Variants in EHHADH observed in about 807,000 individuals in gnomAD.
EHHADH encodes enoyl-CoA hydratase and 3-hydroxyacyl CoA dehydrogenase.
In EHHADH, 48 loss-of-function variants were observed where a neutral mutation model predicts 64.4. The ratio of observed to expected loss-of-function variants is 0.75; its 90% CI spans 0.59 to 0.95. The LOEUF is 0.95. Ranked by LOEUF, EHHADH falls within the 40% of genes least tolerant of loss-of-function variation. The pLI is 0.00. For missense variants in EHHADH, 854 were observed against 876.6 expected (o/e 0.97, Z 0.33); for synonymous variants, 308 against 326.7 (o/e 0.94, Z 0.62).
chr3:185,204,605 C>G lies in EHHADH; in HGVS notation c.721G>C (p.Val241Leu). 6.2e-7 allele frequency: 1 copy of G among 1,614,222 alleles called. No homozygotes were observed. The highest frequency in any genetic ancestry group is 8.5e-7 in the Non-Finnish European group (1 of 1,180,022). ...ATGCCCACTTCATAGGGATACTGCA[C>G]AGCAGCCTGGACTGCACGGACACAA... ...EACVRAVQAA[V>L]QYPYEVGIKK... The change falls in exon 6 of 7, where the codon GTG (valine) becomes CTG (leucine). Residue 241 changes from valine to leucine, a missense_variant. Transcript: ENST00000231887.
At chr3:185,203,931 G>C (rs1250697587) in intron 6 of EHHADH, among the ~76,000 whole-genome samples, 1 of 152,172 alleles carries the variant, frequency 6.6e-6, no homozygotes, top group Non-Finnish European at 1.5e-5. Context: ...CTTGAGGCCA[G>C]GAGTTCGAGA....
chr3:185,214,056 T>A (rs1371343950), intron 5 of EHHADH, among the ~76,000 whole-genome samples: 1 of 152,176 alleles, frequency 6.6e-6, no homozygotes, highest in Admixed American at 6.5e-5. Context: ...GAGTTAATCC[T>A]TGGTTGATCT....
chr3:185,212,227 G>C (rs1718560001), intron 5 of EHHADH, among the ~76,000 whole-genome samples: 1 of 152,234 alleles, frequency 6.6e-6, no homozygotes, highest in South Asian at 2.1e-4. Flanking sequence ...CCCTAGTTTA[G>C]CCAATGCAAT....
chr3:185,219,096 A>C (rs1718769483), intron 4 of EHHADH, among the ~76,000 whole-genome samples: 1 of 152,200 alleles, frequency 6.6e-6, no homozygotes. Flanking sequence ...TAGTTAACTC[A>C]ATGAGAAAAA....
intron 2 of EHHADH, among the ~76,000 whole-genome samples, chr3:185,242,595 G>C (rs1311335030): frequency 6.6e-6 from 1 of 152,168 alleles, no homozygotes; most frequent in Non-Finnish European, 1.5e-5. Flanking sequence ...TTTCACTGGA[G>C]TCATGTACCT....
intron 4 of EHHADH, among the ~76,000 whole-genome samples, chr3:185,220,583 G>C (rs543308453): frequency 6.6e-6 from 1 of 152,142 alleles, no homozygotes; most frequent in Non-Finnish European, 1.5e-5. Flanking sequence ...AATATATCTC[G>C]TTGTTCAATG....
chr3:185,218,310 C>CCTG, intron 4 of EHHADH, 70 bp from the exon 5 acceptor site: 1 of 1,072,300 alleles, frequency 9.3e-7, no homozygotes, highest in Admixed American at 1.9e-5. Flanking sequence ...AAGCATTACT[C>CCTG]TCTCTAGTAG....
At chr3:185,252,008 T>C (rs908349225) in intron 1 of EHHADH, among the ~76,000 whole-genome samples, 2 of 152,170 alleles carry the variant, frequency 1.3e-5, no homozygotes, top group African/African-American at 4.8e-5. Context: ...CACAACTTTA[T>C]GAGGTAGGCC....
chr3:185,219,742 C>G (rs968491651), intron 4 of EHHADH, among the ~76,000 whole-genome samples: 77 of 152,206 alleles, frequency 5.1e-4, no homozygotes, highest in African/African-American at 1.8e-3. Context: ...TTGGTGGCAA[C>G]AGTCCCACAG....
rs149692676 is a variant in EHHADH, at chr3:185,241,881, G to A, written c.179-6419C>T. On this transcript the variant is annotated intron_variant, in intron 2 of 6. Coordinates refer to ENST00000231887, the MANE Select transcript of EHHADH (RefSeq NM_001966.4). ...TCATGAAATGCTTGCCTAAGCCAAT[G>A]TCTAGAAGGGTTTTTCCAATGTTGT... is the stretch of plus-strand genomic sequence containing the variant. 3.6e-4 allele frequency among the ~76,000 whole-genome samples: 55 copies of A among 152,300 alleles called. No homozygotes were observed. In the East Asian group the frequency reaches 8.7e-3, roughly 24 times the overall value.
chr3:185,249,772 C>T (rs1037408072), intron 1 of EHHADH, among the ~76,000 whole-genome samples: 3 of 152,176 alleles, frequency 2.0e-5, no homozygotes, highest in Non-Finnish European at 4.4e-5. Context: ...TGAAAATGGA[C>T]TAACACAAAA....
intron 1 of EHHADH, among the ~76,000 whole-genome samples, chr3:185,249,140 T>C (rs901328641): frequency 6.6e-6 from 1 of 152,080 alleles, no homozygotes; most frequent in South Asian, 2.1e-4. Context: ...TTGGCTCTTT[T>C]TTTTTTGAAA....
In EHHADH at chr3:185,216,880, T is replaced by G. The variant is rs893666960; in HGVS notation, c.568+1256A>C. 6.6e-6 allele frequency among the ~76,000 whole-genome samples: 1 copy of G among 152,140 alleles called. No homozygotes were observed. The highest frequency in any genetic ancestry group is 1.5e-5 in the Non-Finnish European group (1 of 68,028). On this transcript the variant is annotated intron_variant, in intron 5 of 6. Transcript: ENST00000231887. The surrounding 1 kb of genome is among the most constrained non-coding windows in gnomAD (Gnocchi z 5.3). ...CCTCTCCATCTTGCTCATTTAAAGATGACAACATCCATAGACTGAAAAGAA... is the reference window on the plus strand; with the variant it reads ...CCTCTCCATCTTGCTCATTTAAAGAGGACAACATCCATAGACTGAAAAGAA...
At chr3:185,233,641 GT>G (rs896681146) in intron 3 of EHHADH, among the ~76,000 whole-genome samples, 2 of 151,780 alleles carry the variant, frequency 1.3e-5, no homozygotes, top group Non-Finnish European at 2.9e-5. Flanking sequence ...CCCAAATGTG[GT>G]TTTTTTTGTT....
At chr3:185,241,724 A>G (rs985535889) in intron 2 of EHHADH, among the ~76,000 whole-genome samples, 15 of 152,052 alleles carry the variant, frequency 9.9e-5, no homozygotes, top group African/African-American at 3.6e-4. Context: ...TAGATGGTGA[A>G]GATTTTCCCC....
At chr3:185,248,108 T>G (rs1327976521) in intron 2 of EHHADH, 1 of 242,848 alleles carries the variant, frequency 4.1e-6, no homozygotes, top group Non-Finnish European at 7.8e-6. Flanking sequence ...TTAAAGAGAT[T>G]TGCCCAAGCC....
At chr3:185,236,369 C>T (rs1320665172) in intron 2 of EHHADH, among the ~76,000 whole-genome samples, 1 of 138,540 alleles carries the variant, frequency 7.2e-6, no homozygotes, top group Non-Finnish European at 1.7e-5. Context: ...CCCTGCCCCC[C>T]CACCCTCCCA....
chr3:185,192,780 T>C lies in EHHADH; in HGVS notation c.1618A>G (p.Thr540Ala), dbSNP rs751270153. 1.2e-6 allele frequency: 2 copies of C among 1,614,118 alleles called. No individual in the cohort carries two copies. Among genetic ancestry groups the C allele is most frequent in the Non-Finnish European group, 1.7e-6 (2 of 1,180,030 alleles). ...GWKSRKGQGL[T>A]GPTLLPGTPA... Reference sequence around the variant, plus strand: ...GTTCCTGGAAGCAATGTAGGTCCAGTAAGACCTTGCCCCTTTCTAGATTTC... The same window carrying C: ...GTTCCTGGAAGCAATGTAGGTCCAGCAAGACCTTGCCCCTTTCTAGATTTC... Residue 540 changes from threonine (T) to alanine (A), a missense_variant, in exon 7 of 7, where the codon ACT becomes GCT. Transcript: ENST00000231887.
intron 3 of EHHADH, among the ~76,000 whole-genome samples, chr3:185,230,603 C>G (rs1719125326): frequency 7.0e-6 from 1 of 142,998 alleles, no homozygotes; most frequent in Non-Finnish European, 1.5e-5. Flanking sequence ...ATGAAATATC[C>G]AGAATAGGCA....
Sources: gnomAD v4.1 joint callset for allele counts (sites outside exome capture counted in the v4.1 genomes callset) on GRCh38, gnomAD v4.1.1 for gene constraint, Gnocchi (gnomAD v3.1) non-coding constraint, MANE v1.5 for transcripts, NCBI Gene and HGNC (gene_info 2026-07-23, HGNC 2026-07-21) for gene names.